The following PLCH1 variants were observed in gnomAD, a reference collection of about 807,000 sequenced individuals.
PLCH1 encodes phospholipase C eta 1, also known as 1-phosphatidylinositol 4,5-bisphosphate phosphodiesterase eta-1.
PLCH1 carries 60 observed loss-of-function variants against 126.7 expected under a neutral mutation model. The observed-to-expected ratio is 0.47, with a 90% CI of 0.38 to 0.59. PLCH1 has a LOEUF of 0.59. Ranked by LOEUF, PLCH1 falls within the 20% of genes least tolerant of loss-of-function variation. The pLI, the probability that PLCH1 is intolerant of heterozygous loss-of-function variation, is 0.00. For missense variants in PLCH1, 1,723 were observed against 2,040.0 expected, an observed-to-expected ratio of 0.84 and a Z score of 2.99; for synonymous variants, 719 against 734.9, an observed-to-expected ratio of 0.98 and a Z score of 0.35.
intron 12 of PLCH1, among the ~76,000 whole-genome samples, chr3:155,510,327 T>A (rs1576865105): frequency 1.6e-5 from 1 of 63,748 alleles, no homozygotes; most frequent in South Asian, 7.8e-4. Flanking sequence ...AGTCTGTGTC[T>A]TTTAATTGCA....
chr3:155,710,865 AG>A (rs1747074148), intron 1 of PLCH1, among the ~76,000 whole-genome samples: 2 of 151,590 alleles, frequency 1.3e-5, no homozygotes, highest in African/African-American at 4.8e-5. Context: ...TTTAAAATAT[AG>A]CTGCATGTTT....
chr3:155,537,223 A>AAAAAAAAAAAAAAAAAAC (rs1723543591), intron 10 of PLCH1, among the ~76,000 whole-genome samples: 1 of 10,782 alleles, frequency 9.3e-5, no homozygotes, highest in Non-Finnish European at 9.9e-4. Flanking sequence ...AAAAAAAAAA[A>AAAAAAAAAAAAAAAAAAC]AAAAAAAAAA....
intron 8 of PLCH1, among the ~76,000 whole-genome samples, chr3:155,555,526 T>G (rs1726711183): frequency 6.6e-6 from 1 of 152,206 alleles, no homozygotes; most frequent in African/African-American, 2.4e-5. Context: ...AATCAAGAAA[T>G]AAACTTCAGT....
chr3:155,707,349 T>C (rs1746754172), intron 1 of PLCH1, among the ~76,000 whole-genome samples: 1 of 152,114 alleles, frequency 6.6e-6, no homozygotes. Context: ...TGAGAAGAAA[T>C]AAGCCATCCC....
At chr3:155,453,993 C>T (rs1712377029) in intron 21 of PLCH1, among the ~76,000 whole-genome samples, 1 of 151,834 alleles carries the variant, frequency 6.6e-6, no homozygotes, top group Admixed American at 6.6e-5. Context: ...AATAAGTCAG[C>T]CTAGTGGTTA....
chr3:155,601,329 T>C (rs1204245372), intron 2 of PLCH1, among the ~76,000 whole-genome samples: 1 of 152,126 alleles, frequency 6.6e-6, no homozygotes, highest in Admixed American at 6.6e-5. Flanking sequence ...CAATCCTTTC[T>C]GCCACAAGCA....
chr3:155,614,534 T>C (rs544283546), intron 2 of PLCH1, among the ~76,000 whole-genome samples: 7 of 152,270 alleles, frequency 4.6e-5, no homozygotes, highest in African/African-American at 1.7e-4. Context: ...CTTCAAACTA[T>C]ACTACAAGAC....
chr3:155,683,062 T>C (rs1337537803), intron 2 of PLCH1, among the ~76,000 whole-genome samples: 1 of 152,204 alleles, frequency 6.6e-6, no homozygotes, highest in African/African-American at 2.4e-5. Flanking sequence ...CTCTCCTGCA[T>C]TAAAAACCTG....
At chr3:155,629,577 T>C (rs1475592303) in intron 2 of PLCH1, among the ~76,000 whole-genome samples, 1 of 152,210 alleles carries the variant, frequency 6.6e-6, no homozygotes, top group Non-Finnish European at 1.5e-5. Context: ...TTGTTTCCTT[T>C]CTCCATCCTT....
intron 21 of PLCH1, among the ~76,000 whole-genome samples, chr3:155,453,898 A>C (rs182349455): frequency 6.6e-6 from 1 of 152,142 alleles, no homozygotes; most frequent in Non-Finnish European, 1.5e-5. Flanking sequence ...CTTTATAAGT[A>C]GAAAAGGATG....
chr3:155,630,427 A>G (rs6441002), intron 2 of PLCH1, among the ~76,000 whole-genome samples: 73,867 of 152,046 alleles, frequency 0.49, 20,333 homozygotes, highest in African/African-American at 0.74. Flanking sequence ...ATCAATCAGA[A>G]TATAGTGGAG....
chr3:155,621,824 T>C (rs976558197), intron 2 of PLCH1, among the ~76,000 whole-genome samples: 5 of 152,188 alleles, frequency 3.3e-5, no homozygotes, highest in African/African-American at 9.7e-5. Flanking sequence ...TGGAACCAAG[T>C]TGGAAAACAA....
At chr3:155,726,281 T>C (rs932303354) in intron 1 of PLCH1, among the ~76,000 whole-genome samples, 9 of 152,350 alleles carry the variant, frequency 5.9e-5, no homozygotes, top group East Asian at 5.8e-4. Context: ...GAACAAATTC[T>C]TTAGGTTTTT....
rs150993156 is a variant in PLCH1, at chr3:155,690,454, C to G, written c.79+13692G>C. On this transcript the variant is annotated intron_variant, in intron 2 of 22. Coordinates refer to ENST00000460012, the MANE Select transcript of PLCH1 (RefSeq NM_014996.4). ...CTGGCTATGGGTTTTGCTCAGAATC[C>G]CTTAATCAGAGGGCTCCCCTAGTCC... Among the ~76,000 whole-genome samples the G allele has an allele frequency of 4.6e-3, 698 of 152,240 alleles. 2 individuals are homozygous for G. Among genetic ancestry groups the G allele is most frequent in the Middle Eastern group, 0.01 (3 of 294 alleles).
At chr3:155,624,591 T>C (rs184897941) in intron 2 of PLCH1, among the ~76,000 whole-genome samples, 50 of 133,692 alleles carry the variant, frequency 3.7e-4, no homozygotes, top group Admixed American at 1.8e-3. Context: ...TCACAAGCAT[T>C]CCTATACACG....
chr3:155,588,477 G>T (rs1383609796), intron 4 of PLCH1, among the ~76,000 whole-genome samples: 1 of 152,162 alleles, frequency 6.6e-6, no homozygotes, highest in African/African-American at 2.4e-5. Context: ...CATGGCTGGA[G>T]TTCAAAGAAG....
chr3:155,466,803 T>G (rs1323887255), intron 21 of PLCH1, among the ~76,000 whole-genome samples: 2 of 152,074 alleles, frequency 1.3e-5, no homozygotes, highest in African/African-American at 4.8e-5. Flanking sequence ...ATTGAAATAA[T>G]TTAGAAAAAT....
At chr3:155,561,970 T>C (rs1360425595) in intron 8 of PLCH1, among the ~76,000 whole-genome samples, 1 of 152,088 alleles carries the variant, frequency 6.6e-6, no homozygotes, top group African/African-American at 2.4e-5. Flanking sequence ...TTAGTAGAGA[T>C]GCGGTTTCAC....
chr3:155,590,870 C>T (rs6802895), intron 4 of PLCH1, among the ~76,000 whole-genome samples: 25,592 of 152,102 alleles, frequency 0.17, 2,528 homozygotes, highest in African/African-American at 0.27. Context: ...TTTCTCTTTA[C>T]TATTCATCAA....
Sources: allele counts gnomAD v4.1 joint callset (sites outside exome capture counted in the v4.1 genomes callset), GRCh38; gene constraint gnomAD v4.1.1; transcripts MANE v1.5; gene names NCBI Gene and HGNC (gene_info 2026-07-23, HGNC 2026-07-21).